Variants in KIAA1671 observed in about 807,000 individuals in gnomAD.
KIAA1671 encodes uncharacterized protein KIAA1671.
KIAA1671 carries 52 observed loss-of-function variants against 131.2 expected under a neutral mutation model. The ratio of observed to expected loss-of-function variants is 0.40; its 90% CI spans 0.32 to 0.50. The LOEUF is 0.50. Ranked by LOEUF, KIAA1671 falls within the 20% of genes least tolerant of loss-of-function variation. KIAA1671 has a pLI of 0.73. For synonymous variants in KIAA1671, 1,003 were observed against 961.6 expected, an observed-to-expected ratio of 1.04 and a Z score of -0.80; for missense variants, 2,360 against 2,364.2, an observed-to-expected ratio of 1.00 and a Z score of 0.04.
chr22:25,033,829 T>TTC (rs1386782497), intron 4 of KIAA1671, among the ~76,000 whole-genome samples: 2 of 151,830 alleles, frequency 1.3e-5, no homozygotes, highest in East Asian at 3.9e-4. Context: ...ATCTGCCCGC[T>TTC]TCGGCCTCCC....
intron 3 of KIAA1671, among the ~76,000 whole-genome samples, chr22:25,031,168 A>G (rs2145791685): frequency 6.6e-6 from 1 of 150,622 alleles, no homozygotes; most frequent in South Asian, 2.1e-4. Context: ...CTGGGATTAC[A>G]GGCACGCGCC....
intron 6 of KIAA1671, chr22:25,057,402 T>A (rs60191036): frequency 0.21 from 32,035 of 152,128 alleles, 3,496 homozygotes; most frequent in Middle Eastern, 0.28. Flanking sequence ...CAGGGACACC[T>A]GTTCCTTGCA....
At chr22:25,166,169 G>A (rs137911459) in intron 6 of KIAA1671, among the ~76,000 whole-genome samples, 239 of 152,330 alleles carry the variant, frequency 1.6e-3, no homozygotes, top group African/African-American at 5.4e-3. Context: ...AATGTTGTTC[G>A]AGAAAGAGAC....
chr22:25,155,381 G>T (rs1274368898), intron 6 of KIAA1671, among the ~76,000 whole-genome samples: 1 of 152,014 alleles, frequency 6.6e-6, no homozygotes, highest in Non-Finnish European at 1.5e-5. Flanking sequence ...TATATGTTTT[G>T]TGTGTATGTG....
At chr22:25,091,364 A>G (rs997707287) in intron 6 of KIAA1671, among the ~76,000 whole-genome samples, 3 of 152,134 alleles carry the variant, frequency 2.0e-5, no homozygotes, top group African/African-American at 7.2e-5. Flanking sequence ...GGCCTGGTCC[A>G]TTCTATTTCA....
At chr22:25,091,473 T>G (rs1296848036) in intron 6 of KIAA1671, among the ~76,000 whole-genome samples, 1 of 152,258 alleles carries the variant, frequency 6.6e-6, no homozygotes, top group Non-Finnish European at 1.5e-5. Flanking sequence ...AACAAAACTC[T>G]TCTTTCTTCG....
At chr22:24,985,500 C>T (rs1245345763) in intron 1 of KIAA1671, among the ~76,000 whole-genome samples, 49 of 152,154 alleles carry the variant, frequency 3.2e-4, no homozygotes, top group Admixed American at 2.4e-3. Flanking sequence ...CCACCGCGCC[C>T]GGCTAATTTT....
chr22:25,151,022 G>T (rs889138429), intron 6 of KIAA1671, among the ~76,000 whole-genome samples: 2 of 151,862 alleles, frequency 1.3e-5, no homozygotes, highest in African/African-American at 4.8e-5. Context: ...TTTTAGTAGA[G>T]ACGGGGTTTC....
Position 25,029,265 on chromosome 22 carries a change from T to A in KIAA1671, c.1266T>A (p.Asp422Glu), listed in dbSNP as rs973984896. 6.7e-7 allele frequency: 1 copy of A among 1,500,252 alleles called. No individual in the cohort carries two copies. The highest frequency in any genetic ancestry group is 1.4e-5 in the African/African-American group (1 of 72,184). 92.9% of individuals were successfully genotyped at this position (1,500,252 alleles called of 1,614,324 possible). A position where few individuals can be genotyped will look rare whatever the true frequency, so the allele number is the denominator to read the frequency against. The change falls in exon 3 of 13, where the codon GAT becomes GAA. Residue 422 changes from aspartate (D) to glutamate (E), a missense_variant. Around this residue, in one of 3 missense-constraint regions of KIAA1671, gnomAD observed 1,185 missense variants for 1,126.2 expected, o/e 1.05. Coordinates refer to ENST00000358431, the MANE Select transcript of KIAA1671 (RefSeq NM_001145206.2). ...CTGAGGTTAAGAGCAGAGTGGCGGA[T>A]GGGGAGGCCGCGGCAGGGGGAGAGT... is the stretch of plus-strand genomic sequence containing the variant. The part of the protein sequence containing the change: ...ELAEVKSRVA[D>E]GEAAAGGEWA...
intron 6 of KIAA1671, among the ~76,000 whole-genome samples, chr22:25,100,694 C>T (rs1476781083): frequency 6.6e-6 from 1 of 152,170 alleles, no homozygotes; most frequent in Non-Finnish European, 1.5e-5. Context: ...ACAGTAGGCC[C>T]TTGGTGAATG....
chr22:25,040,866 A>G lies in KIAA1671; in HGVS notation c.3736A>G (p.Arg1246Gly), dbSNP rs2145807146. The G allele has an allele frequency of 6.5e-7, 1 of 1,544,240 alleles. No homozygotes were observed. The highest frequency in any genetic ancestry group is 2.5e-5 in the East Asian group (1 of 40,778). The part of the protein sequence containing the change: ...RPVQLGGVEQ[R>G]RRSLKEMPDT... The stretch of plus-strand genomic sequence containing the variant: ...TGTTCAGCTGGGCGGGGTGGAGCAG[A>G]GAAGGAGGAGCCTGAAGGAGATGCC... Residue 1246 changes from arginine to glycine, a missense_variant, in exon 5 of 13, where the codon AGA becomes GGA. Physicochemically the swap from Arg to Gly is moderately radical, Grantham distance 125 (BLOSUM62 -2). Transcript: ENST00000358431.
At chr22:25,177,799 G>T (rs1432424940) in intron 9 of KIAA1671, among the ~76,000 whole-genome samples, 2 of 152,068 alleles carry the variant, frequency 1.3e-5, no homozygotes, top group African/African-American at 4.8e-5. Flanking sequence ...CCCAGCCCTC[G>T]GTTCTGCTTC....
intron 6 of KIAA1671, among the ~76,000 whole-genome samples, chr22:25,133,717 AT>A (rs1254398692): frequency 6.6e-6 from 1 of 151,606 alleles, no homozygotes; most frequent in Non-Finnish European, 1.5e-5. Flanking sequence ...TAATTAAAAA[AT>A]TTTTTTTCTT....
chr22:25,000,085 G>T (rs1241818262), intron 1 of KIAA1671, among the ~76,000 whole-genome samples: 1 of 149,854 alleles, frequency 6.7e-6, no homozygotes. Flanking sequence ...GGGTTTCACC[G>T]TGTTAGCCAG....
intron 1 of KIAA1671, among the ~76,000 whole-genome samples, chr22:24,986,999 G>A (rs766307610): frequency 5.9e-5 from 9 of 151,862 alleles, no homozygotes; most frequent in East Asian, 5.8e-4. Context: ...GACCTCCGCC[G>A]TTTACTGCAC....
chr22:25,001,179 ATACGTGTGTATATATGTG>A, intron 1 of KIAA1671, among the ~76,000 whole-genome samples: 1 of 124,054 alleles, frequency 8.1e-6, no homozygotes, highest in Admixed American at 7.6e-5. Flanking sequence ...ATGTGTATAT[ATACGTGTGTATATATGTG>A]TGTATGTGTA....
At chr22:25,159,420 C>G (rs1450305777) in intron 6 of KIAA1671, among the ~76,000 whole-genome samples, 4 of 152,294 alleles carry the variant, frequency 2.6e-5, no homozygotes, top group Admixed American at 1.3e-4. Context: ...CCCTGGACGT[C>G]AGGTCCAGGG....
At position 25,196,592 on chromosome 22, in the gene KIAA1671, GC is replaced by G. The variant is rs1975397764; in HGVS notation, c.*4194del. 6.6e-6 allele frequency: 1 copy of G among 151,930 alleles called. No individual in the cohort carries two copies. The highest frequency in any genetic ancestry group is 2.1e-4 in the South Asian group (1 of 4,814). 9.4% of individuals were successfully genotyped at this position (151,930 alleles called of 1,614,324 possible). On this transcript the variant is annotated 3_prime_UTR_variant, in exon 13 of 13. Coordinates refer to ENST00000358431, the MANE Select transcript of KIAA1671 (RefSeq NM_001145206.2). ...CTAGATGACAGGCGCACATCACCAC[GC>G]CCAGCTGATCTTTTAAATCTGTTTT...
intron 1 of KIAA1671, among the ~76,000 whole-genome samples, chr22:24,981,152 G>A (rs1043671478): frequency 5.3e-5 from 8 of 151,922 alleles, no homozygotes; most frequent in African/African-American, 1.7e-4. Flanking sequence ...GGGATTTGTA[G>A]GCTCTGTATT....
Sources: gnomAD v4.1 joint callset for allele counts (sites outside exome capture counted in the v4.1 genomes callset) on GRCh38, gnomAD v4.1.1 for gene constraint, gnomAD v4.1.1 regional missense constraint, MANE v1.5 for transcripts, NCBI Gene and HGNC (gene_info 2026-07-23, HGNC 2026-07-21) for gene names.